The following PINLYP variants were observed in gnomAD, a reference collection of about 807,000 sequenced individuals.
PINLYP encodes phospholipase A2 inhibitor and LY6/PLAUR domain containing.
A neutral mutation model predicts 15.8 loss-of-function variants in PINLYP; 12 were observed. That is an observed-to-expected ratio of 0.76 (90% CI 0.49 to 1.23). The LOEUF (loss-of-function observed/expected upper bound fraction) is 1.23. PINLYP is among the 50% of genes most tolerant of loss of function. The probability of loss-of-function intolerance (pLI) is 0.00; values close to 1 mark genes in which losing one functional copy is unlikely to be tolerated. For synonymous variants in PINLYP, 93 were observed against 97.7 expected (o/e 0.95, Z 0.28); for missense variants, 278 against 264.2 (o/e 1.05, Z -0.36).
chr19:43,578,675 A>G (rs1972894193), exon 3 of PINLYP: 5 of 1,535,888 alleles, frequency 3.3e-6, no homozygotes, highest in Non-Finnish European at 4.4e-6. Flanking sequence ...ACAAGGACAC[A>G]TGTGTGCTCC....
intron 3 of PINLYP, chr19:43,578,908 A>C: frequency 1.9e-6 from 1 of 522,658 alleles, no homozygotes; most frequent in Non-Finnish European, 3.5e-6. Context: ...TTATTGTCAC[A>C]GAATTCTGAA....
chr19:43,576,800 A>T, exon 1 of PINLYP: 1 of 214,238 alleles, frequency 4.7e-6, no homozygotes. Context: ...CTTCCTTGGG[A>T]GGAGAGGGGA....
upstream of PINLYP, chr19:43,575,654 G>C (rs754976903): frequency 2.8e-5 from 13 of 466,868 alleles, no homozygotes; most frequent in African/African-American, 1.0e-4. Context: ...TCTCCAGAGC[G>C]GGAAGAGCGC....
chr19:43,579,791 A>AC (rs1353910631), intron 3 of PINLYP, among the ~76,000 whole-genome samples: 4 of 151,432 alleles, frequency 2.6e-5, no homozygotes, highest in Non-Finnish European at 5.9e-5. Context: ...AGTCCCAGCC[A>AC]CTTGGGAGGC....
exon 6 of PINLYP, chr19:43,581,875 C>A: frequency 6.5e-7 from 1 of 1,536,776 alleles, no homozygotes; most frequent in Non-Finnish European, 8.7e-7. Context: ...CAGGTATTTT[C>A]AAACCCAGAT....
At chr19:43,581,432 G>T in intron 4 of PINLYP, 68 bp downstream of exon 4, 1 of 1,524,714 alleles carries the variant, frequency 6.6e-7, no homozygotes, top group Non-Finnish European at 8.8e-7. Context: ...CCACTTGCTG[G>T]CTCTGAGCCT....
At chr19:43,575,544 C>G, upstream of PINLYP, 2 of 1,444,872 alleles carry the variant, frequency 1.4e-6, no homozygotes, top group Non-Finnish European at 1.9e-6. Context: ...GGGCGGGGTG[C>G]GCCCTGCGCT....
At position 43,576,304 on chromosome 19, in the gene PINLYP, C is replaced by CT. The variant is rs1468350354; in HGVS notation, c.-692dup. ...GGATCTCTTCAAATGGCTCAGGCGG[C>CT]TGCACTCTTCTCTCTGTCCCCTTGC... On this transcript the variant is annotated 5_prime_UTR_variant, in exon 1 of 6. An upstream open reading frame in the 5' UTR loses its in-frame stop. Transcript: ENST00000599207. 2.6e-5 allele frequency among the ~76,000 whole-genome samples: 4 copies of CT among 152,146 alleles called. No individual in the cohort carries two copies. Among genetic ancestry groups the CT allele is most frequent in the African/African-American group, 9.7e-5 (4 of 41,428 alleles).
rs1457253091 is a variant in PINLYP at position 43,576,915 on chromosome 19, G to A, written c.-82G>A. The A allele has an allele frequency of 5.1e-6, 2 of 393,484 alleles. No homozygotes were observed. Among genetic ancestry groups the A allele is most frequent in the Non-Finnish European group, 8.9e-6 (2 of 225,748 alleles). 24.4% of individuals were successfully genotyped at this position (393,484 alleles called of 1,614,324 possible). The stretch of plus-strand genomic sequence containing the variant: ...AACAAACAAACAACAATGGGCCGTG[G>A]GAAGGTGAGAAAACAGGGTGGTGAC... On this transcript the variant is annotated 5_prime_UTR_variant, in exon 1 of 6. The change creates a premature stop within an existing upstream ORF in the 5' untranslated region. Coordinates refer to ENST00000599207, the Ensembl canonical transcript of PINLYP.
At chr19:43,578,172 G>A (rs1054403061) in intron 2 of PINLYP, among the ~76,000 whole-genome samples, 1 of 152,060 alleles carries the variant, frequency 6.6e-6, no homozygotes, top group South Asian at 2.1e-4. Context: ...AGGGCCCCCT[G>A]CCTGAGCTCC....
At chr19:43,581,614 C>G (rs772077321) in exon 5 of PINLYP, 2 of 1,536,618 alleles carry the variant, frequency 1.3e-6, no homozygotes, top group South Asian at 2.4e-5. Context: ...GCCTGCACTG[C>G]GAGCTTCAGG....
At chr19:43,577,944 T>A (rs1044759206) in intron 2 of PINLYP, among the ~76,000 whole-genome samples, 8 of 152,088 alleles carry the variant, frequency 5.3e-5, no homozygotes, top group African/African-American at 1.9e-4. Context: ...TATATTTTTT[T>A]AAAAGAGGTA....
At chr19:43,581,991 A>C (rs1972941422) in exon 6 of PINLYP, 1 of 1,535,762 alleles carries the variant, frequency 6.5e-7, no homozygotes, top group Non-Finnish European at 8.7e-7. Flanking sequence ...GAGTGCACTC[A>C]CTCCCCCTGA....
chr19:43,578,424 C>T (rs918267431), intron 2 of PINLYP, among the ~76,000 whole-genome samples, 166 bp from the exon 3 acceptor site: 3 of 152,186 alleles, frequency 2.0e-5, no homozygotes, highest in Admixed American at 1.3e-4. Context: ...ACTGCTTCTT[C>T]GTCCAACTCT....
chr19:43,579,266 GAC>G (rs1972902107), intron 3 of PINLYP, among the ~76,000 whole-genome samples: 2 of 151,834 alleles, frequency 1.3e-5, no homozygotes, highest in African/African-American at 4.8e-5. Flanking sequence ...TCTTTTTTGA[GAC>G]AGAGTCTCGC....
At chr19:43,575,729 T>G, upstream of PINLYP, 1 of 358,986 alleles carries the variant, frequency 2.8e-6, no homozygotes, top group Non-Finnish European at 5.0e-6. Context: ...AACCCCGCTC[T>G]AGCCTCGCCT....
chr19:43,579,369 C>T (rs770057584), intron 3 of PINLYP, among the ~76,000 whole-genome samples: 1 of 151,938 alleles, frequency 6.6e-6, no homozygotes, highest in Admixed American at 6.6e-5. Context: ...CCTCAGCCTC[C>T]CGAGTAGCTG....
intron 3 of PINLYP, among the ~76,000 whole-genome samples, chr19:43,579,843 A>G (rs1972909059): frequency 6.6e-6 from 1 of 151,982 alleles, no homozygotes; most frequent in Non-Finnish European, 1.5e-5. Context: ...TCGAGGCTGC[A>G]GCGAGCTAAG....
At chr19:43,581,123 G>A in intron 3 of PINLYP, 89 bp from the exon 4 acceptor site, 1 of 1,338,756 alleles carries the variant, frequency 7.5e-7, no homozygotes, top group Non-Finnish European at 9.9e-7. Context: ...TGGGGTTGGG[G>A]AGGCCTAGGG....
Sources: allele counts gnomAD v4.1 joint callset (sites outside exome capture counted in the v4.1 genomes callset), GRCh38; gene constraint gnomAD v4.1.1; transcripts MANE v1.5; gene names NCBI Gene and HGNC (gene_info 2026-07-23, HGNC 2026-07-21).